The following GRIN2A variants were observed in gnomAD, a reference collection of about 807,000 sequenced individuals.
The protein encoded by GRIN2A is glutamate ionotropic receptor NMDA type subunit 2A.
In GRIN2A, 22 loss-of-function variants were observed where a neutral mutation model predicts 113.4. That is an observed-to-expected ratio of 0.19 (90% CI 0.14 to 0.28). The LOEUF is 0.28. GRIN2A is among the 10% of genes least tolerant of loss of function. The pLI is 1.00. For synonymous variants in GRIN2A, 827 were observed against 738.4 expected (o/e 1.12, Z -1.94); for missense variants, 1,502 against 1,887.0 (o/e 0.80, Z 3.78).
intron 3 of GRIN2A, among the ~76,000 whole-genome samples, chr16:9,925,825 A>C (rs1455475147): frequency 1.3e-5 from 2 of 152,214 alleles, no homozygotes; most frequent in African/African-American, 4.8e-5. Context: ...TAAATCTCTC[A>C]AACATATCTC....
chr16:9,983,084 C>T (rs2045920178), intron 2 of GRIN2A, among the ~76,000 whole-genome samples: 1 of 152,106 alleles, frequency 6.6e-6, no homozygotes, highest in Admixed American at 6.6e-5. Context: ...ATTAGCTTAT[C>T]CATCACCTCA....
rs189644326 is a variant in GRIN2A at position 10,051,530 on chromosome 16, T to C, written c.415-112979A>G. Among the ~76,000 whole-genome samples the C allele has an allele frequency of 1.9e-3, 290 of 152,254 alleles. 1 individual carries two copies. The highest frequency in any genetic ancestry group is 5.1e-3 in the Admixed American group (78 of 15,294). On this transcript the variant is annotated intron_variant, in intron 2 of 12. Transcript: ENST00000330684. ...TGAATGAGTAGTAACTCAAAGTAGT[T>C]TTTAAAGTGCTCCAAGTATACAAAG...
chr16:10,063,730 A>G (rs184415055), intron 2 of GRIN2A, among the ~76,000 whole-genome samples: 2 of 152,214 alleles, frequency 1.3e-5, no homozygotes, highest in African/African-American at 4.8e-5. Context: ...TACTTTTATC[A>G]GTAGATAAAA....
intron 2 of GRIN2A, among the ~76,000 whole-genome samples, chr16:10,098,574 G>C (rs1347474517): frequency 2.0e-5 from 3 of 152,128 alleles, no homozygotes; most frequent in African/African-American, 7.2e-5. Flanking sequence ...TAATCGACAA[G>C]TGGCTAAACA....
intron 2 of GRIN2A, among the ~76,000 whole-genome samples, chr16:9,939,925 T>C (rs1426927041): frequency 6.6e-6 from 1 of 152,072 alleles, no homozygotes; most frequent in Non-Finnish European, 1.5e-5. Context: ...CAAAAGGTCC[T>C]CATCATATTA....
intron 4 of GRIN2A, among the ~76,000 whole-genome samples, chr16:9,888,984 A>T (rs1388663378): frequency 6.6e-6 from 1 of 152,146 alleles, no homozygotes; most frequent in Non-Finnish European, 1.5e-5. Context: ...TTTAAAATAT[A>T]TTATTACATT....
intron 2 of GRIN2A, among the ~76,000 whole-genome samples, chr16:9,962,949 G>T (rs1228161028): frequency 6.6e-6 from 1 of 151,976 alleles, no homozygotes; most frequent in African/African-American, 2.4e-5. Flanking sequence ...CCATAAAATA[G>T]GATGAGTTCA....
intron 2 of GRIN2A, among the ~76,000 whole-genome samples, chr16:10,115,872 G>A (rs1409764728): frequency 6.6e-6 from 1 of 152,118 alleles, no homozygotes; most frequent in Non-Finnish European, 1.5e-5. Flanking sequence ...CTTTTGGTGG[G>A]AATGTAAATT....
chr16:10,044,007 G>GTGTGTATATA (rs1555469968), intron 2 of GRIN2A, among the ~76,000 whole-genome samples: 11 of 116,936 alleles, frequency 9.4e-5, no homozygotes, highest in South Asian at 3.2e-4. Flanking sequence ...GTGTGTGTGT[G>GTGTGTATATA]TATATATATA....
chr16:9,805,460 C>T (rs1335871553), intron 10 of GRIN2A: 1 of 152,052 alleles, frequency 6.6e-6, no homozygotes, highest in Admixed American at 6.5e-5. Flanking sequence ...TTGATGATAA[C>T]TGAATATATT....
intron 10 of GRIN2A, among the ~76,000 whole-genome samples, chr16:9,813,237 C>A (rs1163767407): frequency 6.6e-6 from 1 of 152,168 alleles, no homozygotes; most frequent in Non-Finnish European, 1.5e-5. Context: ...AATGTGGAAA[C>A]TAAACAACAG....
intron 2 of GRIN2A, among the ~76,000 whole-genome samples, chr16:10,171,763 T>C (rs549475786): frequency 1.5e-4 from 23 of 152,312 alleles, no homozygotes; most frequent in Admixed American, 3.3e-4. Context: ...ATTCCTGTAA[T>C]AAGCATTTAT....
intron 3 of GRIN2A, among the ~76,000 whole-genome samples, chr16:9,921,325 C>G (rs1160181306): frequency 6.6e-6 from 1 of 152,124 alleles, no homozygotes; most frequent in Non-Finnish European, 1.5e-5. Flanking sequence ...AGGGAGAGAT[C>G]TTTGTACCAG....
chr16:9,822,123 C>A, intron 10 of GRIN2A, 141 bp downstream of exon 10: 2 of 885,990 alleles, frequency 2.3e-6, no homozygotes, highest in South Asian at 1.4e-5. Flanking sequence ...CAAAAACTGC[C>A]CTCAACTGGG....
intron 2 of GRIN2A, among the ~76,000 whole-genome samples, chr16:10,053,615 T>C (rs987541719): frequency 4.6e-5 from 7 of 152,188 alleles, no homozygotes; most frequent in Non-Finnish European, 8.8e-5. Context: ...CTAAGGTGGA[T>C]TGCCCTGGGG....
intron 2 of GRIN2A, among the ~76,000 whole-genome samples, chr16:10,088,161 A>G (rs2048117643): frequency 6.6e-6 from 1 of 152,126 alleles, no homozygotes; most frequent in Admixed American, 6.5e-5. Flanking sequence ...TTTGGACACA[A>G]TTTTGAAGAT....
At chr16:9,879,001 A>G (rs546608398) in intron 4 of GRIN2A, among the ~76,000 whole-genome samples, 1 of 152,170 alleles carries the variant, frequency 6.6e-6, no homozygotes, top group African/African-American at 2.4e-5. Flanking sequence ...GTACTGTGTG[A>G]GTATTTAAAA....
At chr16:10,135,355 A>C (rs1167289400) in intron 2 of GRIN2A, among the ~76,000 whole-genome samples, 1 of 152,174 alleles carries the variant, frequency 6.6e-6, no homozygotes, top group Non-Finnish European at 1.5e-5. Context: ...AGTCTCTAAA[A>C]TGATGTATGC....
chr16:10,044,221 AT>A (rs1401691342), intron 2 of GRIN2A, among the ~76,000 whole-genome samples: 3 of 151,742 alleles, frequency 2.0e-5, no homozygotes, highest in African/African-American at 7.3e-5. Flanking sequence ...TTTAGTAAAT[AT>A]GGGGTTTCAC....
Sources: gnomAD v4.1 joint callset for allele counts (sites outside exome capture counted in the v4.1 genomes callset) on GRCh38, gnomAD v4.1.1 for gene constraint, MANE v1.5 for transcripts, NCBI Gene and HGNC (gene_info 2026-07-23, HGNC 2026-07-21) for gene names.